COL25A1: variants seen among roughly 807,000 people sequenced by gnomAD.
COL25A1 encodes collagen type XXV alpha 1 chain, also known as collagen alpha-1(XXV) chain.
A neutral mutation model predicts 128.4 loss-of-function variants in COL25A1; 103 were observed. The observed-to-expected ratio is 0.80, with a 90% CI of 0.68 to 0.94. The LOEUF (loss-of-function observed/expected upper bound fraction) is 0.94. Among genes scored for constraint, COL25A1 ranks in the 40% least tolerant of loss-of-function variants. The pLI, the probability that COL25A1 is intolerant of heterozygous loss-of-function variation, is 0.00. For synonymous variants in COL25A1, 279 were observed against 277.2 expected (o/e 1.01, Z -0.06); for missense variants, 745 against 840.0 (o/e 0.89, Z 1.40).
At chr4:108,976,951 T>C (rs1560960598) in intron 6 of COL25A1, among the ~76,000 whole-genome samples, 1 of 152,222 alleles carries the variant, frequency 6.6e-6, no homozygotes, top group Non-Finnish European at 1.5e-5. Context: ...ATTATGATAA[T>C]CCTTTTACAG....
intron 6 of COL25A1, 46 bp from the exon 7 acceptor site, chr4:108,974,605 T>G (rs765321231): frequency 1.4e-6 from 2 of 1,459,524 alleles, no homozygotes; most frequent in African/African-American, 1.4e-5. Flanking sequence ...AAAAAGATAT[T>G]GTAAACTGAA....
chr4:108,955,844 T>C (rs1360273435), intron 8 of COL25A1, among the ~76,000 whole-genome samples: 1 of 152,144 alleles, frequency 6.6e-6, no homozygotes, highest in African/African-American at 2.4e-5. Flanking sequence ...AAAAAAAATA[T>C]AGTTGTTTGA....
In COL25A1 at chr4:108,810,805, T is replaced by C. The variant is rs1241312019; in HGVS notation, c.*3122A>G. Reference sequence around the variant, plus strand: ...GTCATTGGACCATAATTATAGCAAATTCATGAACTTTAAAAATAAAATAAC... The same window carrying C: ...GTCATTGGACCATAATTATAGCAAACTCATGAACTTTAAAAATAAAATAAC... On this transcript the variant is annotated 3_prime_UTR_variant, in exon 38 of 38. Transcript: ENST00000399132. 3 of 151,962 alleles carry C rather than the reference T, an allele frequency of 2.0e-5. No homozygotes were observed. The highest frequency in any genetic ancestry group is 4.4e-5 in the Non-Finnish European group (3 of 67,878). 9.4% of individuals were successfully genotyped at this position (151,962 alleles called of 1,614,324 possible). A position where few individuals can be genotyped will look rare whatever the true frequency, so the allele number is the denominator to read the frequency against.
At chr4:109,222,126 C>T (rs1001510802) in intron 3 of COL25A1, among the ~76,000 whole-genome samples, 2 of 137,368 alleles carry the variant, frequency 1.5e-5, no homozygotes, top group African/African-American at 2.9e-5. Context: ...TGCAATGGCG[C>T]CATCCCAGCT....
At chr4:109,022,561 A>G (rs1757874960) in intron 5 of COL25A1, among the ~76,000 whole-genome samples, 1 of 152,208 alleles carries the variant, frequency 6.6e-6, no homozygotes, top group Admixed American at 6.5e-5. Context: ...ATGATCCTAC[A>G]TATATACAAA....
intron 22 of COL25A1, among the ~76,000 whole-genome samples, chr4:108,862,256 A>G (rs1737322337): frequency 6.6e-6 from 1 of 152,256 alleles, no homozygotes; most frequent in South Asian, 2.1e-4. Context: ...TGAAATAGGA[A>G]ATACAACTTC....
chr4:108,830,881 C>A (rs944098602), intron 32 of COL25A1, among the ~76,000 whole-genome samples: 2 of 152,224 alleles, frequency 1.3e-5, no homozygotes, highest in Non-Finnish European at 2.9e-5. Flanking sequence ...AGCCAATCTG[C>A]ATCAGCAGCG....
chr4:109,002,096 G>A (rs1004575130), intron 6 of COL25A1, among the ~76,000 whole-genome samples: 1 of 152,178 alleles, frequency 6.6e-6, no homozygotes, highest in Non-Finnish European at 1.5e-5. Context: ...GGGAATCCTC[G>A]TACACGGTTG....
intron 6 of COL25A1, among the ~76,000 whole-genome samples, chr4:108,998,936 C>T (rs985631478): frequency 6.6e-6 from 1 of 152,168 alleles, no homozygotes; most frequent in Non-Finnish European, 1.5e-5. Context: ...AACTGGATCC[C>T]TTCTTTACAC....
At chr4:108,887,974 G>A (rs901238533) in intron 18 of COL25A1, among the ~76,000 whole-genome samples, 1 of 152,036 alleles carries the variant, frequency 6.6e-6, no homozygotes, top group Non-Finnish European at 1.5e-5. Flanking sequence ...GCAGACCATG[G>A]ATCTCTGTAT....
rs144485034 is a variant in COL25A1 at position 109,196,733 on chromosome 4, A to G, written c.367+103850T>C. The stretch of plus-strand genomic sequence containing the variant: ...CATACATATGTTACACTCCCAGACT[A>G]TGTCTGTAGTGGATTTAGCAGAAAG... On this transcript the variant is annotated intron_variant, in intron 3 of 37. Coordinates refer to ENST00000399132, the MANE Select transcript of COL25A1 (RefSeq NM_198721.4). 7.1e-3 allele frequency among the ~76,000 whole-genome samples: 1,087 copies of G among 152,312 alleles called. 16 individuals carry two copies. Among genetic ancestry groups the G allele is most frequent in the African/African-American group, 0.024 (1,000 of 41,572 alleles).
chr4:109,043,156 G>A (rs990822157), intron 5 of COL25A1, among the ~76,000 whole-genome samples: 22 of 151,990 alleles, frequency 1.4e-4, no homozygotes, highest in African/African-American at 3.9e-4. Flanking sequence ...TCTAGGTCAC[G>A]GGGTGGTCTG....
At chr4:109,273,320 T>C (rs1224148906) in intron 3 of COL25A1, among the ~76,000 whole-genome samples, 1 of 152,134 alleles carries the variant, frequency 6.6e-6, no homozygotes, top group Non-Finnish European at 1.5e-5. Context: ...AAAAAATATA[T>C]CCCCAATTGT....
intron 3 of COL25A1, among the ~76,000 whole-genome samples, chr4:109,262,266 C>T (rs774920620): frequency 1.2e-4 from 18 of 152,100 alleles, no homozygotes; most frequent in Admixed American, 1.3e-4. Flanking sequence ...GTAATCCCAG[C>T]ACTTTGGGAG....
intron 3 of COL25A1, among the ~76,000 whole-genome samples, chr4:109,171,816 C>T (rs969877562): frequency 4.6e-5 from 7 of 152,128 alleles, no homozygotes; most frequent in African/African-American, 1.7e-4. Context: ...GATGAATATC[C>T]AGGACACTTC....
intron 13 of COL25A1, among the ~76,000 whole-genome samples, chr4:108,904,830 C>T (rs1019941261): frequency 1.3e-5 from 2 of 152,034 alleles, no homozygotes; most frequent in African/African-American, 4.8e-5. Context: ...CCCAGTATGA[C>T]CATTCCAAAA....
At chr4:109,202,308 A>G (rs1203576218) in intron 3 of COL25A1, among the ~76,000 whole-genome samples, 1 of 152,160 alleles carries the variant, frequency 6.6e-6, no homozygotes, top group Non-Finnish European at 1.5e-5. Context: ...GGGCCCACAC[A>G]AATATAGCCA....
chr4:109,274,918 T>C (rs1722668939), intron 3 of COL25A1, among the ~76,000 whole-genome samples: 1 of 152,192 alleles, frequency 6.6e-6, no homozygotes, highest in South Asian at 2.1e-4. Context: ...AGTAAAACCA[T>C]TGATCATATA....
intron 35 of COL25A1, among the ~76,000 whole-genome samples, chr4:108,820,063 A>G (rs551424992): frequency 6.6e-6 from 1 of 152,342 alleles, no homozygotes; most frequent in African/African-American, 2.4e-5. Flanking sequence ...CAGAGTGACA[A>G]TGGATTCTGG....
Sources: allele counts gnomAD v4.1 joint callset (sites outside exome capture counted in the v4.1 genomes callset), GRCh38; gene constraint gnomAD v4.1.1; transcripts MANE v1.5; gene names NCBI Gene and HGNC (gene_info 2026-07-23, HGNC 2026-07-21).